DBF4B: variants seen among roughly 807,000 people sequenced by gnomAD.
DBF4B encodes the protein protein DBF4 homolog B.
Under a neutral mutation model 53.4 loss-of-function variants are expected in DBF4B, and 49 were observed. That is an observed-to-expected ratio of 0.92 (90% confidence interval 0.73 to 1.16). The LOEUF (loss-of-function observed/expected upper bound fraction) is 1.16, where lower values mean the gene tolerates loss of function less well. Ranked by LOEUF, DBF4B falls within the 50% of genes most tolerant of loss-of-function variation. The pLI, the probability that DBF4B is intolerant of heterozygous loss-of-function variation, is 0.00. For synonymous variants in DBF4B, 257 were observed against 288.7 expected (o/e 0.89, Z 1.11); for missense variants, 692 against 775.0 (o/e 0.89, Z 1.27).
Position 44,750,979 on chromosome 17 carries a change from A to G in DBF4B, c.1574A>G (p.Asp525Gly), listed in dbSNP as rs765506567. ...ACATGGGGTTGCCTCATTCCCCATG[A>G]CACCACCCCTCTGCATGAGGAAGTT... ...FVTWGCLIPH[D>G]TTPLHEEVSP... The change falls in exon 14 of 14, where the codon GAC becomes GGC. Residue 525 changes from aspartate (D) to glycine (G), a missense_variant. Physicochemically the swap from Asp to Gly is moderately conservative, Grantham distance 94. Around this residue, in one of 3 missense-constraint regions of DBF4B, gnomAD observed 597 missense variants for 665.8 expected, o/e 0.90. Transcript: ENST00000315005. 5.6e-6 allele frequency: 9 copies of G among 1,613,998 alleles called. No homozygotes were observed. The South Asian group carries it at 9.9e-5, about 18-fold the overall frequency.
Position 44,752,123 on chromosome 17 carries a change from G to A in DBF4B, c.*870G>A. 2.3e-6 allele frequency: 2 copies of A among 872,576 alleles called. No individual in the cohort carries two copies. The highest frequency in any genetic ancestry group is 3.6e-6 in the Non-Finnish European group (2 of 552,768). The allele number at this position is 872,576 out of a possible 1,614,324, so 54.1% of individuals were successfully genotyped here. Reference sequence around the variant, plus strand: ...CCAACTCCCTTCTGCTGGGTGGAATGCAGGAGCTAGCTGCCTCCAACTCAC... The same window carrying A: ...CCAACTCCCTTCTGCTGGGTGGAATACAGGAGCTAGCTGCCTCCAACTCAC... On this transcript the variant is annotated 3_prime_UTR_variant, in exon 14 of 14. Coordinates refer to ENST00000315005, the MANE Select transcript of DBF4B (RefSeq NM_145663.3).
At position 44,750,916 on chromosome 17, in the gene DBF4B, T is replaced by C. The variant is rs758127825; in HGVS notation, c.1511T>C (p.Met504Thr). The C allele has an allele frequency of 1.2e-6, 2 of 1,614,244 alleles. No homozygotes were observed. The highest frequency in any genetic ancestry group is 2.2e-5 in the South Asian group (2 of 91,090). The change falls in exon 14 of 14, where the codon ATG becomes ACG. Residue 504 changes from methionine to threonine, a missense_variant. Physicochemically the swap from Met to Thr is moderately conservative, Grantham distance 81. This residue lies in a region of DBF4B where 597 missense variants were observed against 665.8 expected (regional missense o/e 0.90). Transcript: ENST00000315005. Reference protein sequence around the residue: ...LLFPEARPWLMSARCWVRPFP... With the variant: ...LLFPEARPWLTSARCWVRPFP... ...TTCCCTGAAGCCAGACCGTGGCTTA[T>C]GTCTGCACGCTGCTGGGTTCGTCCC...
chr17:44,712,032 G>A (rs1412084052), intron 2 of DBF4B, among the ~76,000 whole-genome samples: 1 of 151,364 alleles, frequency 6.6e-6, no homozygotes, highest in East Asian at 2.0e-4. Flanking sequence ...AGGAGGTGGA[G>A]GTTGCAGTGA....
At chr17:44,731,562 C>T in intron 5 of DBF4B, 1 of 160,554 alleles carries the variant, frequency 6.2e-6, no homozygotes, top group Non-Finnish European at 1.4e-5. Context: ...GAGATTGTGC[C>T]ACTGCACTCC....
intron 7 of DBF4B, 26 bp downstream of exon 7, chr17:44,734,189 A>G: frequency 6.2e-7 from 1 of 1,614,134 alleles, no homozygotes; most frequent in Non-Finnish European, 8.5e-7. Context: ...GAACTGAAGG[A>G]CAAATGGATG....
rs578149700 is a variant in DBF4B at position 44,709,042 on chromosome 17, G to A, written c.19+203G>A. 3.7e-5 allele frequency: 29 copies of A among 777,890 alleles called. No homozygotes were observed. In the African/African-American group the frequency reaches 4.9e-4, roughly 13 times the overall value. The allele number at this position is 777,890 out of a possible 1,614,324, so 48.2% of individuals were successfully genotyped here. On this transcript the variant is annotated intron_variant, in intron 1 of 13. Transcript: ENST00000315005. The stretch of plus-strand genomic sequence containing the variant: ...AGAGGAACGTAGGGGACAACAGCCT[G>A]GAGGGATGTATGGAGATTGAGATGG...
chr17:44,750,199 C>G, intron 13 of DBF4B: 1 of 1,000,842 alleles, frequency 1.0e-6, no homozygotes, highest in Non-Finnish European at 1.2e-6. Context: ...TTTCTGGCAG[C>G]CAAGCCATTA....
chr17:44,747,551 T>C (rs751723709), intron 12 of DBF4B, 36 bp downstream of exon 12: 3 of 1,610,636 alleles, frequency 1.9e-6, no homozygotes, highest in East Asian at 2.2e-5. Context: ...CTGTGTCTGC[T>C]CTCTCCTCTG....
At chr17:44,736,691 C>T (rs1432434232) in intron 7 of DBF4B, 139 bp from the exon 8 acceptor site, 5 of 854,854 alleles carry the variant, frequency 5.8e-6, no homozygotes, top group Non-Finnish European at 9.7e-6. Context: ...CAGCTCAGGG[C>T]CTGAGAGTCT....
At chr17:44,721,924 C>T (rs1245213618) in intron 2 of DBF4B, among the ~76,000 whole-genome samples, 7 of 151,274 alleles carry the variant, frequency 4.6e-5, no homozygotes, top group South Asian at 2.1e-4. Context: ...CACCTGAGGT[C>T]GGGAGTTTGT....
chr17:44,721,495 A>G (rs1303288377), intron 2 of DBF4B, among the ~76,000 whole-genome samples: 2 of 152,146 alleles, frequency 1.3e-5, no homozygotes, highest in Non-Finnish European at 2.9e-5. Flanking sequence ...CTGGGATTAC[A>G]GGTATGAGCC....
At chr17:44,716,314 G>T (rs6503399) in intron 2 of DBF4B, among the ~76,000 whole-genome samples, 2 of 151,740 alleles carry the variant, frequency 1.3e-5, no homozygotes, top group African/African-American at 4.8e-5. Flanking sequence ...TAGTCAGTTC[G>T]CTAGAGAAGA....
chr17:44,725,684 CTTTT>C lies in DBF4B; in HGVS notation c.225+2679_225+2682del, dbSNP rs68091397. Among the ~76,000 whole-genome samples the C allele has an allele frequency of 2.5e-4, 22 of 87,646 alleles. 1 individual carries two copies. The highest frequency in any genetic ancestry group is 8.3e-4 in the South Asian group (2 of 2,400). 57.5% of individuals were successfully genotyped at this position (87,646 alleles called of 152,430 possible). On this transcript the variant is annotated intron_variant, in intron 3 of 13. Coordinates refer to ENST00000315005, the MANE Select transcript of DBF4B (RefSeq NM_145663.3). ...ATCCTGCCTTTGTTTTTTTGTGCTT[CTTTT>C]TTTTTTTTTTTTTTTTAAGAGGGGG...
intron 10 of DBF4B, 131 bp from the exon 11 acceptor site, chr17:44,746,952 C>T (rs1243146273): frequency 2.5e-5 from 19 of 753,594 alleles, no homozygotes; most frequent in Admixed American, 4.3e-5. Context: ...GCCTGCCTGC[C>T]GGTGCCTGCA....
At position 44,747,561 on chromosome 17, in the gene DBF4B, G is replaced by C. The variant is rs569357770; in HGVS notation, c.1064+46G>C. ...CACAACTGTGTCTGCTCTCTCCTCTGTTGCCCTCTGGGTGGGAAGAGACCC... is the reference window on the plus strand; with the variant it reads ...CACAACTGTGTCTGCTCTCTCCTCTCTTGCCCTCTGGGTGGGAAGAGACCC... On this transcript the variant is annotated intron_variant, in intron 12 of 13. Transcript: ENST00000315005. The C allele has an allele frequency of 4.4e-6, 7 of 1,606,398 alleles. No homozygotes were observed. In the South Asian group the frequency reaches 5.5e-5, roughly 13 times the overall value.
At chr17:44,726,386 G>A (rs899958496) in intron 3 of DBF4B, among the ~76,000 whole-genome samples, 10 of 150,904 alleles carry the variant, frequency 6.6e-5, no homozygotes, top group Non-Finnish European at 1.2e-4. Context: ...GGCTGGGAGG[G>A]GCAGGGCAAT....
Position 44,750,907 on chromosome 17 carries a change from C to G in DBF4B, c.1502C>G (p.Pro501Arg), listed in dbSNP as rs765334573. 5.6e-6 allele frequency: 9 copies of G among 1,614,090 alleles called. No homozygotes were observed. The highest frequency in any genetic ancestry group is 7.6e-6 in the Non-Finnish European group (9 of 1,180,046). ...KGPLLFPEAR[P>R]WLMSARCWVR... Reference sequence around the variant, plus strand: ...CCACTCCTCTTCCCTGAAGCCAGACCGTGGCTTATGTCTGCACGCTGCTGG... The same window carrying G: ...CCACTCCTCTTCCCTGAAGCCAGACGGTGGCTTATGTCTGCACGCTGCTGG... The change falls in exon 14 of 14, where the codon CCG becomes CGG. Residue 501 changes from proline (P) to arginine (R), a missense_variant. By Grantham distance (103) the Pro-to-Arg change is moderately radical. Coordinates refer to ENST00000315005, the MANE Select transcript of DBF4B (RefSeq NM_145663.3).
At position 44,747,390 on chromosome 17, in the gene DBF4B, G is replaced by A. The variant is rs139354582; in HGVS notation, c.940-1G>A. 1 of 1,613,484 alleles carries A rather than the reference G, an allele frequency of 6.2e-7. No homozygotes were observed. The highest frequency in any genetic ancestry group is 1.3e-5 in the African/African-American group (1 of 74,908). ...CCTGTGCTCCTCTCCCCCGCCGGCA[G>A]CATCTTCAGAGTGCCCAGCACCGGA... On this transcript the variant is annotated splice_acceptor_variant, in intron 11 of 13. Transcript: ENST00000315005. LOFTEE classifies it high-confidence loss of function.
At chr17:44,730,654 C>A (rs1974750834) in intron 4 of DBF4B, among the ~76,000 whole-genome samples, 1 of 152,164 alleles carries the variant, frequency 6.6e-6, no homozygotes, top group South Asian at 2.1e-4. Context: ...TCATTATCTC[C>A]TGGAGGGTGC....
Sources: allele counts gnomAD v4.1 joint callset (sites outside exome capture counted in the v4.1 genomes callset), GRCh38; gene constraint gnomAD v4.1.1; regional missense constraint gnomAD v4.1.1; transcripts MANE v1.5; gene names NCBI Gene and HGNC (gene_info 2026-07-23, HGNC 2026-07-21).